TMEM135: variants seen among roughly 807,000 people sequenced by gnomAD.
TMEM135 encodes the protein transmembrane protein 135.
TMEM135 carries 30 observed loss-of-function variants against 60.3 expected under a neutral mutation model. The observed-to-expected ratio is 0.50, with a 90% CI of 0.37 to 0.68. TMEM135 has a LOEUF of 0.68. Ranked by LOEUF, TMEM135 falls within the 30% of genes least tolerant of loss-of-function variation. TMEM135 has a pLI of 0.00. For missense variants in TMEM135, 468 were observed against 548.8 expected (o/e 0.85, Z 1.47); for synonymous variants, 190 against 186.7 (o/e 1.02, Z -0.14).
intron 6 of TMEM135, among the ~76,000 whole-genome samples, chr11:87,246,622 C>T (rs970238793): frequency 4.6e-4 from 69 of 151,120 alleles, no homozygotes; most frequent in Admixed American, 6.6e-4. Flanking sequence ...TCACTGATAC[C>T]CTTTTTTCCA....
At position 87,328,516 on chromosome 11, in the gene TMEM135, T is replaced by A. The variant is rs1245842379; in HGVS notation, c.*7183T>A. On this transcript the variant is annotated 3_prime_UTR_variant, in exon 15 of 15. Transcript: ENST00000305494. ...TTTTTATTCCTTCCCCTTCTGAGTC[T>A]CCATAGTCCATTATATCACTCTGTA... 1 of 453,916 alleles carries A rather than the reference T, an allele frequency of 2.2e-6. No individual in the cohort carries two copies. The highest frequency in any genetic ancestry group is 6.9e-5 in the East Asian group (1 of 14,400). The allele number at this position is 453,916 out of a possible 1,614,324, so 28.1% of individuals were successfully genotyped here. A position where few individuals can be genotyped will look rare whatever the true frequency, so the allele number is the denominator to read the frequency against.
chr11:87,313,717 A>G (rs1942680382), intron 11 of TMEM135, among the ~76,000 whole-genome samples: 1 of 151,802 alleles, frequency 6.6e-6, no homozygotes, highest in Non-Finnish European at 1.5e-5. Flanking sequence ...CTGTCCTGCT[A>G]TAGGCCATAA....
At chr11:87,182,544 A>G (rs1939544000) in intron 5 of TMEM135, among the ~76,000 whole-genome samples, 1 of 152,110 alleles carries the variant, frequency 6.6e-6, no homozygotes, top group South Asian at 2.1e-4. Context: ...GGCAAATGCA[A>G]TTTCTGTTTG....
intron 6 of TMEM135, among the ~76,000 whole-genome samples, chr11:87,258,152 A>G (rs1170036706): frequency 2.0e-5 from 3 of 151,546 alleles, no homozygotes; most frequent in Non-Finnish European, 4.4e-5. Flanking sequence ...ATTTTACACA[A>G]TAATTATTTT....
chr11:87,295,191 A>G (rs1467485566), intron 6 of TMEM135, among the ~76,000 whole-genome samples: 4 of 152,194 alleles, frequency 2.6e-5, no homozygotes, highest in Non-Finnish European at 5.9e-5. Context: ...TGAGCACTCA[A>G]TAAATACCAT....
chr11:87,161,281 T>C (rs1484204953), intron 5 of TMEM135, among the ~76,000 whole-genome samples: 1 of 152,136 alleles, frequency 6.6e-6, no homozygotes, highest in Non-Finnish European at 1.5e-5. Context: ...GAACTGCAGA[T>C]TCAATAATCA....
intron 7 of TMEM135, among the ~76,000 whole-genome samples, chr11:87,301,744 A>T (rs564793144): frequency 1.3e-5 from 2 of 152,318 alleles, no homozygotes; most frequent in South Asian, 4.1e-4. Context: ...AGGGATATCT[A>T]ATTGTGATAA....
At chr11:87,198,381 T>A (rs1002378039) in intron 5 of TMEM135, among the ~76,000 whole-genome samples, 5 of 151,834 alleles carry the variant, frequency 3.3e-5, no homozygotes, top group Non-Finnish European at 7.4e-5. Flanking sequence ...ACCCTTAGAG[T>A]ATTCTAGGGA....
intron 4 of TMEM135, among the ~76,000 whole-genome samples, chr11:87,128,823 A>G (rs1191690629): frequency 2.0e-5 from 3 of 152,212 alleles, no homozygotes; most frequent in African/African-American, 7.2e-5. Flanking sequence ...CATGTTTGTA[A>G]TTATGAAAAC....
intron 3 of TMEM135, among the ~76,000 whole-genome samples, chr11:87,082,123 C>G (rs1857005220): frequency 6.6e-6 from 1 of 152,136 alleles, no homozygotes; most frequent in African/African-American, 2.4e-5. Context: ...GTGTTGTTCA[C>G]AAGCTTAGTG....
chr11:87,122,353 CTTTAAATAT>C lies in TMEM135; in HGVS notation c.396+30965_396+30973del, dbSNP rs199824076. Among the ~76,000 whole-genome samples the C allele has an allele frequency of 2.8e-3, 278 of 99,872 alleles. 7 individuals are homozygous for C. In the East Asian group the frequency reaches 0.089, roughly 32 times the overall value. The allele number at this position is 99,872 out of a possible 152,430, so 65.5% of individuals were successfully genotyped here. On this transcript the variant is annotated intron_variant, in intron 4 of 14. Transcript: ENST00000305494. ...TGTCAAATCCTGATTTATTTTAAAA[CTTTAAATAT>C]TTTAAAACTTTAAATTTGTCATCAT...
intron 5 of TMEM135, among the ~76,000 whole-genome samples, chr11:87,181,648 A>G (rs1939518381): frequency 1.3e-5 from 2 of 152,206 alleles, no homozygotes. Flanking sequence ...ACTGTTCGGC[A>G]TAGTGATACT....
At position 87,044,809 on chromosome 11, in the gene TMEM135, C is replaced by G. The variant is rs1949780771; in HGVS notation, c.141+6623C>G. Among the ~76,000 whole-genome samples, 4 of 151,860 alleles carry G rather than the reference C, an allele frequency of 2.6e-5. No homozygotes were observed. In the South Asian group the frequency reaches 6.2e-4, roughly 24 times the overall value. On this transcript the variant is annotated intron_variant, in intron 1 of 14. Transcript: ENST00000305494. ...GGGACTACAGGCCGCGCCACCACGC[C>G]CAGCTAATTTTTGTATTTTTAGTAG...
intron 3 of TMEM135, among the ~76,000 whole-genome samples, chr11:87,084,185 G>A (rs1344083789): frequency 2.0e-5 from 3 of 152,166 alleles, no homozygotes; most frequent in African/African-American, 7.2e-5. Context: ...TGATAATAAT[G>A]CTTAGAATTT....
chr11:87,217,330 A>T (rs1591111195), intron 5 of TMEM135, among the ~76,000 whole-genome samples: 1 of 152,182 alleles, frequency 6.6e-6, no homozygotes, highest in Admixed American at 6.5e-5. Flanking sequence ...TTGACCTACA[A>T]AGAATCAAGG....
At chr11:87,275,887 C>A (rs1026830607) in intron 6 of TMEM135, among the ~76,000 whole-genome samples, 5 of 152,032 alleles carry the variant, frequency 3.3e-5, no homozygotes, top group Non-Finnish European at 7.4e-5. Context: ...GTCTTGAACT[C>A]CTGACCTCAG....
At chr11:87,309,818 T>C in intron 10 of TMEM135, 146 bp downstream of exon 10, 1 of 845,426 alleles carries the variant, frequency 1.2e-6, no homozygotes, top group Non-Finnish European at 1.8e-6. Context: ...CTATACAATA[T>C]ATTGGGAAGT....
At chr11:87,057,127 A>G (rs1434944849) in intron 1 of TMEM135, among the ~76,000 whole-genome samples, 3 of 152,108 alleles carry the variant, frequency 2.0e-5, no homozygotes, top group Non-Finnish European at 2.9e-5. Context: ...TATACGCAGG[A>G]CTCAGTCTGA....
intron 12 of TMEM135, among the ~76,000 whole-genome samples, chr11:87,317,040 G>A (rs112303952): frequency 1.3e-5 from 2 of 151,822 alleles, no homozygotes; most frequent in African/African-American, 4.8e-5. Context: ...AAAATCAACT[G>A]TATAGACCAT....
Sources: allele counts gnomAD v4.1 joint callset (sites outside exome capture counted in the v4.1 genomes callset), GRCh38; gene constraint gnomAD v4.1.1; transcripts MANE v1.5; gene names NCBI Gene and HGNC (gene_info 2026-07-23, HGNC 2026-07-21).